NFATC2: variants seen among roughly 807,000 people sequenced by gnomAD.
NFATC2 encodes nuclear factor of activated T-cells, cytoplasmic 2.
NFATC2 carries 22 observed loss-of-function variants against 87.3 expected under a neutral mutation model. That is an observed-to-expected ratio of 0.25 (90% CI 0.18 to 0.36). The LOEUF is 0.36. NFATC2 is among the 10% of genes least tolerant of loss of function. The pLI is 1.00. For synonymous variants in NFATC2, 565 were observed against 542.2 expected (o/e 1.04, Z -0.58); for missense variants, 1,149 against 1,259.1 (o/e 0.91, Z 1.32).
rs895957076 is a variant in NFATC2, at chr20:51,441,165, C to T, written c.1850-5404G>A. Among the ~76,000 whole-genome samples, 5 of 152,104 alleles carry T rather than the reference C, an allele frequency of 3.3e-5. No individual in the cohort carries two copies. In the East Asian group the frequency reaches 9.6e-4, roughly 29 times the overall value. ...AGGCATGGTGGCGGGCACTTGCAATCCCAGCTACTCGGGAGGCTGAGGCAG... is the reference window on the plus strand; with the variant it reads ...AGGCATGGTGGCGGGCACTTGCAATTCCAGCTACTCGGGAGGCTGAGGCAG... On this transcript the variant is annotated intron_variant, in intron 6 of 10. Transcript: ENST00000371564.
At chr20:51,497,875 C>T (rs555793034) in intron 3 of NFATC2, among the ~76,000 whole-genome samples, 1 of 152,234 alleles carries the variant, frequency 6.6e-6, no homozygotes, top group African/African-American at 2.4e-5. Context: ...TAGATACACG[C>T]AAAGCTGCAG....
chr20:51,394,693 T>G (rs74745640), intron 10 of NFATC2, among the ~76,000 whole-genome samples: 2,274 of 145,454 alleles, frequency 0.016, 52 homozygotes, highest in African/African-American at 0.061. Flanking sequence ...ATTGGGAAAC[T>G]TCAGGTCACA....
At chr20:51,522,994 ACCTGACTCTGAATC>A in intron 2 of NFATC2, 73 bp downstream of exon 2, 1 of 1,552,682 alleles carries the variant, frequency 6.4e-7, no homozygotes, top group South Asian at 1.2e-5. Flanking sequence ...TCAGTCTTAA[ACCTGACTCTGAATC>A]CCATGCTCAT....
At chr20:51,411,377 T>C (rs1230079168) in intron 9 of NFATC2, among the ~76,000 whole-genome samples, 1 of 151,922 alleles carries the variant, frequency 6.6e-6, no homozygotes, top group East Asian at 1.9e-4. Context: ...TAAACCTAAT[T>C]ATTTCTCCTG....
rs368775713 is a variant in NFATC2, at chr20:51,474,276, C to T, written c.1536-124G>A. 43 of 1,162,646 alleles carry T rather than the reference C, an allele frequency of 3.7e-5. 1 individual carries two copies. In the African/African-American group the frequency reaches 5.1e-4, roughly 14 times the overall value. 72.0% of individuals were successfully genotyped at this position (1,162,646 alleles called of 1,614,324 possible). A position where few individuals can be genotyped will look rare whatever the true frequency, so the allele number is the denominator to read the frequency against. On this transcript the variant is annotated intron_variant, in intron 4 of 10. Coordinates refer to ENST00000371564, the MANE Select transcript of NFATC2 (RefSeq NM_012340.5). ...CTGCAATACACTCACATAAGCATTT[C>T]AGCCAGGAATGTATACCAAGATGGG...
chr20:51,400,061 G>A (rs1987830399), intron 9 of NFATC2, among the ~76,000 whole-genome samples: 1 of 151,412 alleles, frequency 6.6e-6, no homozygotes, highest in Non-Finnish European at 1.5e-5. Context: ...CAACCTGTGT[G>A]TTCCCTGACT....
chr20:51,551,698 TAAG>T (rs2076934339), intron 1 of NFATC2, among the ~76,000 whole-genome samples: 1 of 151,790 alleles, frequency 6.6e-6, no homozygotes, highest in East Asian at 1.9e-4. Context: ...TTTGGCATGA[TAAG>T]CCAAAATTTT....
intron 1 of NFATC2, among the ~76,000 whole-genome samples, chr20:51,538,582 A>G (rs186420493): frequency 1.5e-4 from 23 of 152,328 alleles, no homozygotes; most frequent in Non-Finnish European, 3.2e-4. Context: ...TAGCTCAGAG[A>G]GGACAGGATC....
At chr20:51,556,721 G>A (rs1333904848) in intron 1 of NFATC2, among the ~76,000 whole-genome samples, 1 of 152,210 alleles carries the variant, frequency 6.6e-6, no homozygotes, top group Non-Finnish European at 1.5e-5. Context: ...CCGTTGAGGA[G>A]GAGCGATAGC....
chr20:51,456,061 T>TGGGTGGGTGGATGGATGGGTGGAA (rs1371938079), intron 5 of NFATC2, among the ~76,000 whole-genome samples: 4 of 50,576 alleles, frequency 7.9e-5, no homozygotes, highest in African/African-American at 2.5e-4. Context: ...GATGGATGGG[T>TGGGTGGGTGGATGGATGGGTGGAA]GGGTGGGTGG....
intron 3 of NFATC2, among the ~76,000 whole-genome samples, chr20:51,481,347 T>C (rs1425408964): frequency 1.3e-5 from 2 of 151,898 alleles, no homozygotes; most frequent in African/African-American, 4.8e-5. Context: ...GGGGCGGCCT[T>C]TTCAGGCTTC....
At chr20:51,425,865 A>C (rs2146317327) in intron 9 of NFATC2, among the ~76,000 whole-genome samples, 1 of 152,278 alleles carries the variant, frequency 6.6e-6, no homozygotes, top group East Asian at 1.9e-4. Context: ...CCAGAGGCAC[A>C]ACTGGCAAAA....
At chr20:51,491,393 C>T (rs777177611) in intron 3 of NFATC2, among the ~76,000 whole-genome samples, 1 of 152,206 alleles carries the variant, frequency 6.6e-6, no homozygotes, top group Non-Finnish European at 1.5e-5. Context: ...GTCTTCCTTG[C>T]TCTGGGTTTG....
chr20:51,433,442 T>C (rs1376265096), intron 8 of NFATC2, among the ~76,000 whole-genome samples: 1 of 152,126 alleles, frequency 6.6e-6, no homozygotes, highest in Non-Finnish European at 1.5e-5. Context: ...ACGAGATCAC[T>C]GGGAGGATTA....
At chr20:51,434,879 C>CA (rs1232808129) in intron 8 of NFATC2, among the ~76,000 whole-genome samples, 2 of 152,156 alleles carry the variant, frequency 1.3e-5, no homozygotes, top group Non-Finnish European at 2.9e-5. Flanking sequence ...CATCCACTTA[C>CA]CACCCTTCTG....
In NFATC2 at chr20:51,475,589, A is replaced by G. The variant is rs1436696331; in HGVS notation, c.1404T>C (p.Leu468=). 2.5e-6 allele frequency: 4 copies of G among 1,614,028 alleles called. No individual in the cohort carries two copies. The African/African-American group carries it at 4.0e-5, about 16-fold the overall frequency. Residue 468 remains leucine (L), a synonymous_variant, in exon 4 of 11, where the codon CTT becomes CTC. Transcript: ENST00000371564. ...GCACCTGGTAGAAGGCGTGCGGCTT[A>G]AGGATCCGCTCATCAGCTGTCCCAA... ...IFIGTADERI[L]KPHAFYQVHR...
Position 51,387,212 on chromosome 20 carries a change from T to C in NFATC2, c.*4284A>G, listed in dbSNP as rs1005024870. 1.3e-5 allele frequency: 2 copies of C among 151,900 alleles called. No individual in the cohort carries two copies. The highest frequency in any genetic ancestry group is 2.4e-5 in the African/African-American group (1 of 41,308). 9.4% of individuals were successfully genotyped at this position (151,900 alleles called of 1,614,324 possible). A position where few individuals can be genotyped will look rare whatever the true frequency, so the allele number is the denominator to read the frequency against. On this transcript the variant is annotated 3_prime_UTR_variant, in exon 11 of 11. Coordinates refer to ENST00000371564, the MANE Select transcript of NFATC2 (RefSeq NM_012340.5). ...GGGCTGTAGAGGCCAGAGGGGTGAGTGAGGTTCTTTGACAAGATGTCCAGG... is the reference window on the plus strand; with the variant it reads ...GGGCTGTAGAGGCCAGAGGGGTGAGCGAGGTTCTTTGACAAGATGTCCAGG...
chr20:51,433,725 G>A (rs1983115977), intron 8 of NFATC2, among the ~76,000 whole-genome samples: 1 of 151,526 alleles, frequency 6.6e-6, no homozygotes, highest in Non-Finnish European at 1.5e-5. Context: ...GTGTGTGCAT[G>A]TGTGTGTGCG....
intron 3 of NFATC2, among the ~76,000 whole-genome samples, chr20:51,513,420 A>G (rs1174255496): frequency 2.0e-5 from 3 of 152,250 alleles, no homozygotes; most frequent in Non-Finnish European, 2.9e-5. Context: ...TCAAGGCAGC[A>G]GTGAGCAGTG....
Sources: gnomAD v4.1 joint callset for allele counts (sites outside exome capture counted in the v4.1 genomes callset) on GRCh38, gnomAD v4.1.1 for gene constraint, MANE v1.5 for transcripts, NCBI Gene and HGNC (gene_info 2026-07-23, HGNC 2026-07-21) for gene names.